SYCE1: variants seen among roughly 807,000 people sequenced by gnomAD.
SYCE1 encodes synaptonemal complex central element protein 1, also known as cancer/testis antigen 76.
In SYCE1, 37 loss-of-function variants were observed where a neutral mutation model predicts 55.1. That is an observed-to-expected ratio of 0.67 (90% CI 0.52 to 0.88). SYCE1 has a LOEUF of 0.88. Ranked by LOEUF, SYCE1 falls within the 40% of genes least tolerant of loss-of-function variation. The pLI, the probability that SYCE1 is intolerant of heterozygous loss-of-function variation, is 0.00. For synonymous variants in SYCE1, 163 were observed against 159.4 expected (o/e 1.02, Z -0.17); for missense variants, 399 against 416.4 (o/e 0.96, Z 0.36).
At position 133,558,817 on chromosome 10, in the gene SYCE1, C is replaced by T. The variant is rs1851750771; in HGVS notation, c.271+60G>A. The T allele has an allele frequency of 7.7e-6, 12 of 1,549,054 alleles. No homozygotes were observed. In the Admixed American group the frequency reaches 1.6e-4, roughly 20 times the overall value. On this transcript the variant is annotated intron_variant, in intron 4 of 12. Transcript: ENST00000343131. ...GCAAGGATGCTGATTATCTGGAATA[C>T]AGGGTTAGGGGAGGCTTAAGACACT...
chr10:133,558,307 G>C (rs575026259), intron 4 of SYCE1, 93 bp from the exon 5 acceptor site: 1 of 1,442,320 alleles, frequency 6.9e-7, no homozygotes, highest in East Asian at 2.3e-5. Context: ...GCTGGGCACA[G>C]CCTTGGCCCC....
chr10:133,557,807 T>C (rs370614973), intron 6 of SYCE1, 57 bp downstream of exon 6: 441 of 1,589,996 alleles, frequency 2.8e-4, no homozygotes, highest in Non-Finnish European at 3.6e-4. Flanking sequence ...CCTGCCTCTT[T>C]CTGCTCTACC....
At position 133,563,028 on chromosome 10, in the gene SYCE1, G is replaced by GT. The variant is rs749087879; in HGVS notation, c.73+2428dup. On this transcript the variant is annotated intron_variant, in intron 1 of 12. Transcript: ENST00000343131. ...GCTCAGAGGCACCTGACCAAAGTTT[G>GT]TAACAGTTTTGATTGACAATACCAA... Among the ~76,000 whole-genome samples the GT allele has an allele frequency of 5.9e-5, 9 of 152,366 alleles. No individual in the cohort carries two copies. In the East Asian group the frequency reaches 1.7e-3, roughly 29 times the overall value.
upstream of SYCE1, chr10:133,567,813 T>G: frequency 2.8e-6 from 1 of 360,342 alleles, no homozygotes; most frequent in African/African-American, 2.1e-5. Context: ...GCCACTGCCT[T>G]TTTGGCTGAG....
upstream of SYCE1, among the ~76,000 whole-genome samples, chr10:133,566,805 A>G (rs1407275663): frequency 6.9e-6 from 1 of 144,148 alleles, no homozygotes; most frequent in African/African-American, 2.6e-5. Context: ...TAGGGTTAGC[A>G]TTAGGAGTTA....
upstream of SYCE1, among the ~76,000 whole-genome samples, chr10:133,567,349 G>A (rs962534043): frequency 2.0e-5 from 3 of 151,648 alleles, no homozygotes; most frequent in Non-Finnish European, 2.9e-5. Context: ...TTGAGGTGGG[G>A]GTTAGGTGTT....
upstream of SYCE1, chr10:133,565,596 G>A (rs368561830): frequency 1.5e-5 from 23 of 1,484,392 alleles, no homozygotes; most frequent in African/African-American, 1.9e-4. Flanking sequence ...AGCAACCGCC[G>A]CTGGGGGCAG....
rs200282754 is a variant in SYCE1, at chr10:133,555,929, A to T, written c.596-26T>A. 6.8e-6 allele frequency: 11 copies of T among 1,613,654 alleles called. No individual in the cohort carries two copies. In the East Asian group the frequency reaches 2.5e-4, roughly 36 times the overall value. ...CTGCAGCACAAAGGGGCAGGTGAGC[A>T]CATGAAGGCACGTGAGGTCAGATAT... On this transcript the variant is annotated intron_variant, in intron 9 of 12. Transcript: ENST00000343131.
At chr10:133,554,532 T>C, downstream of SYCE1, 1 of 652,506 alleles carries the variant, frequency 1.5e-6, no homozygotes, top group East Asian at 2.7e-5. Context: ...CAAAAGTGCC[T>C]GAGTTATACA....
At chr10:133,565,647 G>C, upstream of SYCE1, 1 of 950,404 alleles carries the variant, frequency 1.1e-6, no homozygotes. Flanking sequence ...TCCTGCGCGC[G>C]CCTGGAGATG....
At chr10:133,554,803 CAGA>C (rs564503765), downstream of SYCE1, 361 of 1,467,250 alleles carry the variant, frequency 2.5e-4, 2 homozygotes, top group South Asian at 1.2e-4. Flanking sequence ...CCTGCGGACC[CAGA>C]AGAAGCTGGC....
At chr10:133,558,303 C>T in intron 4 of SYCE1, 89 bp from the exon 5 acceptor site, 1 of 1,478,040 alleles carries the variant, frequency 6.8e-7, no homozygotes, top group African/African-American at 1.4e-5. Flanking sequence ...GGAAGCTGGG[C>T]ACAGCCTTGG....
At chr10:133,554,169 A>G, downstream of SYCE1, 1 of 852,492 alleles carries the variant, frequency 1.2e-6, no homozygotes, top group Middle Eastern at 2.2e-4. Flanking sequence ...AGTTTGTTTA[A>G]GACAGGTATG....
At position 133,559,480 on chromosome 10, in the gene SYCE1, C is replaced by T. The variant is rs183090469; in HGVS notation, c.137-120G>A. 8.2e-6 allele frequency: 8 copies of T among 977,936 alleles called. No individual in the cohort carries two copies. The East Asian group carries it at 2.0e-4, about 25-fold the overall frequency. The allele number at this position is 977,936 out of a possible 1,614,324, so 60.6% of individuals were successfully genotyped here. A position where few individuals can be genotyped will look rare whatever the true frequency, so the allele number is the denominator to read the frequency against. On this transcript the variant is annotated intron_variant, in intron 2 of 12. Transcript: ENST00000343131. ...ATTGAGTACCTCCTGCAAGCAGGTG[C>T]TCTGTGGGGCCCTCACGGGGCTCAC...
At chr10:133,559,227 G>A (rs1289633675) in intron 3 of SYCE1, 74 bp downstream of exon 3, 5 of 1,492,070 alleles carry the variant, frequency 3.4e-6, no homozygotes, top group Non-Finnish European at 4.7e-6. Flanking sequence ...AAGGGACCCT[G>A]CATTCTCACT....
At chr10:133,566,472 G>T (rs1471870189), upstream of SYCE1, among the ~76,000 whole-genome samples, 3 of 143,650 alleles carry the variant, frequency 2.1e-5, no homozygotes, top group African/African-American at 7.9e-5. Context: ...TAGTTTTGGG[G>T]TTAGGAGTGG....
At chr10:133,554,344 A>T, downstream of SYCE1, 1 of 1,613,768 alleles carries the variant, frequency 6.2e-7, no homozygotes, top group Non-Finnish European at 8.5e-7. Flanking sequence ...AAGAAAAGGG[A>T]TCGCTTTGTC....
downstream of SYCE1, chr10:133,554,792 GC>G: frequency 6.8e-7 from 1 of 1,471,202 alleles, no homozygotes; most frequent in South Asian, 1.4e-5. Flanking sequence ...GCATCCCTCT[GC>G]CTGCGGACCC....
upstream of SYCE1, among the ~76,000 whole-genome samples, chr10:133,567,280 T>C (rs902102767): frequency 6.6e-6 from 1 of 151,454 alleles, no homozygotes; most frequent in Non-Finnish European, 1.5e-5. Flanking sequence ...GGGCTAGGGC[T>C]TAGGGTTATG....
Sources: allele counts gnomAD v4.1 joint callset (sites outside exome capture counted in the v4.1 genomes callset), GRCh38; gene constraint gnomAD v4.1.1; transcripts MANE v1.5; gene names NCBI Gene and HGNC (gene_info 2026-07-23, HGNC 2026-07-21).